Variants in HEMK2 observed in about 807,000 individuals in gnomAD.
The protein encoded by HEMK2 is methyltransferase HEMK2.
the HEMK2 span, among the ~76,000 whole-genome samples, chr21:28,700,619 A>C: frequency 3.5e-4 from 54 of 152,276 alleles, no homozygotes; most frequent in Middle Eastern, 0.01. Context: ...CTCTGAACAC[A>C]CCAATGATGA....
the HEMK2 span, among the ~76,000 whole-genome samples, chr21:28,659,423 T>C: frequency 6.6e-6 from 1 of 152,074 alleles, no homozygotes; most frequent in African/African-American, 2.4e-5. Context: ...TAGCAGCATT[T>C]GCCCATTTCT....
At chr21:28,638,079 C>T in the HEMK2 span, among the ~76,000 whole-genome samples, 91 of 152,294 alleles carry the variant, frequency 6.0e-4, no homozygotes, top group African/African-American at 2.1e-3. Flanking sequence ...ATTCAATAGT[C>T]ATTCACCCTG....
chr21:28,683,554 TA>T, the HEMK2 span, among the ~76,000 whole-genome samples: 3 of 152,220 alleles, frequency 2.0e-5, no homozygotes, highest in South Asian at 6.2e-4. Flanking sequence ...GGATATCTCT[TA>T]TATAACATTT....
At chr21:28,785,785 T>A in the HEMK2 span, among the ~76,000 whole-genome samples, 1 of 152,314 alleles carries the variant, frequency 6.6e-6, no homozygotes, top group East Asian at 1.9e-4. Flanking sequence ...ACCACCCTCC[T>A]GAGCCCAGCC....
chr21:28,877,158 AAGAGAAAG>A, the HEMK2 span, among the ~76,000 whole-genome samples: 2 of 136,488 alleles, frequency 1.5e-5, no homozygotes, highest in Admixed American at 7.1e-5. Flanking sequence ...GAGAGAAAGA[AAGAGAAAG>A]AAAGAAAGAA....
At chr21:28,596,375 T>A in the HEMK2 span, among the ~76,000 whole-genome samples, 2 of 152,138 alleles carry the variant, frequency 1.3e-5, no homozygotes, top group Admixed American at 6.5e-5. Flanking sequence ...ATTAGGCAAA[T>A]CTTTCTCATA....
the HEMK2 span, among the ~76,000 whole-genome samples, chr21:28,868,879 A>G: frequency 1.3e-5 from 2 of 152,274 alleles, no homozygotes; most frequent in East Asian, 3.9e-4. Context: ...CCCTCTTATT[A>G]TAATAAGTCA....
chr21:28,816,449 C>T, the HEMK2 span, among the ~76,000 whole-genome samples: 3 of 152,090 alleles, frequency 2.0e-5, no homozygotes, highest in African/African-American at 7.2e-5. Context: ...GTTGGAAGAT[C>T]ATTTGAAGCC....
the HEMK2 span, among the ~76,000 whole-genome samples, chr21:28,613,132 ATAG>A: frequency 6.6e-6 from 1 of 151,642 alleles, no homozygotes; most frequent in African/African-American, 2.4e-5. Flanking sequence ...AGATCTACAG[ATAG>A]ATAGATACCT....
the HEMK2 span, among the ~76,000 whole-genome samples, chr21:28,632,601 T>C: frequency 5.9e-5 from 9 of 152,248 alleles, no homozygotes; most frequent in Non-Finnish European, 1.0e-4. Flanking sequence ...TTTCATTTTC[T>C]ATCGATGTCA....
At chr21:28,618,206 C>G in the HEMK2 span, among the ~76,000 whole-genome samples, 2 of 152,188 alleles carry the variant, frequency 1.3e-5, no homozygotes, top group Non-Finnish European at 2.9e-5. Flanking sequence ...TAAATTACTT[C>G]TCCTTGAAAT....
At chr21:28,835,226 C>T in the HEMK2 span, among the ~76,000 whole-genome samples, 1 of 152,232 alleles carries the variant, frequency 6.6e-6, no homozygotes, top group East Asian at 1.9e-4. Context: ...GCAAAGGACC[C>T]TCATGGAGTC....
At chr21:28,637,514 T>C in the HEMK2 span, among the ~76,000 whole-genome samples, 1 of 151,984 alleles carries the variant, frequency 6.6e-6, no homozygotes, top group Non-Finnish European at 1.5e-5. Context: ...AGAATCGCAT[T>C]ACCAGAGGCA....
the HEMK2 span, among the ~76,000 whole-genome samples, chr21:28,736,642 G>A: frequency 6.6e-6 from 1 of 152,176 alleles, no homozygotes; most frequent in Non-Finnish European, 1.5e-5. Flanking sequence ...GCGCATGCCT[G>A]TAATCCCAGC....
chr21:28,862,724 A>G, the HEMK2 span, among the ~76,000 whole-genome samples: 2 of 151,956 alleles, frequency 1.3e-5, no homozygotes, highest in Non-Finnish European at 2.9e-5. Flanking sequence ...TGTAATTGTC[A>G]TGAGTATTTC....
At chr21:28,733,109 C>CTCTACTAA in the HEMK2 span, among the ~76,000 whole-genome samples, 1 of 152,080 alleles carries the variant, frequency 6.6e-6, no homozygotes, top group African/African-American at 2.4e-5. Context: ...GAAACCCCGT[C>CTCTACTAA]TCTACTAAAA....
At chr21:28,595,914 A>G in the HEMK2 span, among the ~76,000 whole-genome samples, 1 of 151,828 alleles carries the variant, frequency 6.6e-6, no homozygotes, top group East Asian at 1.9e-4. Flanking sequence ...CCTCCCAAGT[A>G]GCTGGGACTA....
At chr21:28,697,148 A>G in the HEMK2 span, among the ~76,000 whole-genome samples, 1 of 152,230 alleles carries the variant, frequency 6.6e-6, no homozygotes, top group African/African-American at 2.4e-5. Context: ...TTTCTGCAGC[A>G]GGCTTGAATT....
the HEMK2 span, among the ~76,000 whole-genome samples, chr21:28,691,695 C>T: frequency 8.1e-6 from 1 of 123,364 alleles, no homozygotes; most frequent in Admixed American, 8.2e-5. Flanking sequence ...CTCAAGTTGG[C>T]AAGAGATAGT....
Sources: allele counts gnomAD v4.1 joint callset (sites outside exome capture counted in the v4.1 genomes callset), GRCh38; gene constraint gnomAD v4.1.1; transcripts MANE v1.5; gene names NCBI Gene and HGNC (gene_info 2026-07-23, HGNC 2026-07-21).